The following DHRS12 variants were observed in gnomAD, a reference collection of about 807,000 sequenced individuals.
DHRS12 encodes dehydrogenase/reductase SDR family member 12.
A neutral mutation model predicts 32.1 loss-of-function variants in DHRS12; 29 were observed. The observed-to-expected ratio is 0.90, with a 90% CI of 0.67 to 1.23. DHRS12 has a LOEUF of 1.23. DHRS12 is among the 50% of genes most tolerant of loss of function. The pLI, the probability that DHRS12 is intolerant of heterozygous loss-of-function variation, is 0.00. For missense variants in DHRS12, 330 were observed against 337.2 expected (o/e 0.98, Z 0.17); for synonymous variants, 150 against 135.9 (o/e 1.10, Z -0.72).
intron 1 of DHRS12, among the ~76,000 whole-genome samples, chr13:51,800,479 A>C (rs1178471962): frequency 1.3e-5 from 2 of 152,266 alleles, no homozygotes; most frequent in African/African-American, 4.8e-5. Context: ...GTGGAGGCCC[A>C]GAGGGCAGAC....
the DHRS12 span, chr13:51,761,198 A>G: frequency 2.6e-5 from 4 of 152,292 alleles, no homozygotes; most frequent in South Asian, 2.1e-4. Flanking sequence ...AGTGCAGGCT[A>G]TGTTTCTGTG....
intron 4 of DHRS12, among the ~76,000 whole-genome samples, chr13:51,787,792 ATTAAT>A (rs1955033115): frequency 7.7e-5 from 1 of 12,922 alleles, no homozygotes; most frequent in Non-Finnish European, 1.8e-4. Context: ...TTTATAATAT[ATTAAT>A]ATATATTTAT....
chr13:51,770,930 G>C, intron 7 of DHRS12: 1 of 1,260,752 alleles, frequency 7.9e-7, no homozygotes, highest in African/African-American at 1.5e-5. Flanking sequence ...ACTGTGATAA[G>C]CAACCTTGTT....
At chr13:51,789,099 T>C (rs917625560) in intron 4 of DHRS12, among the ~76,000 whole-genome samples, 4 of 152,184 alleles carry the variant, frequency 2.6e-5, no homozygotes, top group African/African-American at 9.7e-5. Context: ...CCAACTGTTA[T>C]TCCATCGGCT....
rs763363530 is a variant in DHRS12, at chr13:51,804,029, CCCGCGCCCCG to C, written c.-9+15_-9+24del. On this transcript the variant is annotated intron_variant, in intron 1 of 8. Transcript: ENST00000444610. Reference sequence around the variant, plus strand: ...GGCGGGCCACGTGACAGCCCGGGGCCCCGCGCCCCGCCGCGCCGCCTTACTTGGTGTACTC... The same window carrying C: ...GGCGGGCCACGTGACAGCCCGGGGCCCCGCGCCGCCTTACTTGGTGTACTC... The C allele has an allele frequency of 2.0e-6, 3 of 1,464,824 alleles. No homozygotes were observed. The Admixed American group carries it at 7.4e-5, about 36-fold the overall frequency. 90.7% of individuals were successfully genotyped at this position (1,464,824 alleles called of 1,614,324 possible).
intron 6 of DHRS12, 34 bp from the exon 7 acceptor site, chr13:51,771,945 A>C (rs926581462): frequency 1.2e-6 from 2 of 1,607,868 alleles, no homozygotes; most frequent in Non-Finnish European, 1.7e-6. Flanking sequence ...TGAACAGGAG[A>C]GAGGAGGCGC....
In DHRS12 at chr13:51,782,949, A is replaced by G. The variant is rs960076342; in HGVS notation, c.302-5828T>C. On this transcript the variant is annotated intron_variant, in intron 4 of 8. Transcript: ENST00000444610. The surrounding 1 kb of genome is among the most constrained non-coding windows in gnomAD (Gnocchi z 4.2). Reference sequence around the variant, plus strand: ...TTTGGGGCCGGTGCTCCTAGGCCAGAAGACCTAGAAGGGCAGACACCACGG... The same window carrying G: ...TTTGGGGCCGGTGCTCCTAGGCCAGGAGACCTAGAAGGGCAGACACCACGG... 3.9e-5 allele frequency among the ~76,000 whole-genome samples: 6 copies of G among 152,184 alleles called. No individual in the cohort carries two copies. The highest frequency in any genetic ancestry group is 1.3e-4 in the Admixed American group (2 of 15,290).
At position 51,768,265 on chromosome 13, in the gene DHRS12, G is replaced by A. The variant is rs760335292; in HGVS notation, c.729C>T (p.Leu243=). 3.9e-6 allele frequency: 6 copies of A among 1,536,094 alleles called. No individual in the cohort carries two copies. The African/African-American group carries it at 4.1e-5, about 10-fold the overall frequency. The stretch of plus-strand genomic sequence containing the variant: ...CGGCCGGTGAGGAGGACGCTGTAGC[G>A]AGAGGCAAGTGTGTAGAAACTGGCT... The part of the protein sequence containing the change: ...DRKPVSTHLP[L]ATASSSPAEE... The change falls in exon 9 of 9, where the codon CTC becomes CTT. Residue 243 remains leucine (L), a synonymous_variant. Coordinates refer to ENST00000444610, the MANE Select transcript of DHRS12 (RefSeq NM_001377533.1).
intron 4 of DHRS12, 137 bp from the exon 5 acceptor site, chr13:51,777,258 T>G: frequency 1.2e-6 from 1 of 827,120 alleles, no homozygotes; most frequent in Middle Eastern, 3.4e-4. Flanking sequence ...GGGCAGTCCC[T>G]CCTTCCGAGG....
At chr13:51,803,008 G>A (rs1955829647) in intron 1 of DHRS12, among the ~76,000 whole-genome samples, 1 of 152,232 alleles carries the variant, frequency 6.6e-6, no homozygotes, top group African/African-American at 2.4e-5. Context: ...AATGGTCATT[G>A]CCAGAGGACA....
intron 4 of DHRS12, among the ~76,000 whole-genome samples, chr13:51,788,797 C>T (rs898672931): frequency 5.3e-5 from 8 of 151,936 alleles, no homozygotes; most frequent in African/African-American, 1.9e-4. Flanking sequence ...GAGTTTGAGG[C>T]TGCAGTGAGC....
intron 1 of DHRS12, chr13:51,803,836 A>T (rs1955868148): frequency 5.4e-6 from 2 of 368,032 alleles, no homozygotes; most frequent in Non-Finnish European, 9.3e-6. Flanking sequence ...CTCGGGCGCC[A>T]GTCTCGGTCG....
the DHRS12 span, chr13:51,758,287 A>C: frequency 1.3e-6 from 2 of 1,591,994 alleles, no homozygotes; most frequent in Non-Finnish European, 1.7e-6. Flanking sequence ...TCTGGAACTG[A>C]CAAGGTTATT....
intron 1 of DHRS12, among the ~76,000 whole-genome samples, chr13:51,802,985 A>T (rs2139485747): frequency 6.6e-6 from 1 of 152,364 alleles, no homozygotes; most frequent in South Asian, 2.1e-4. Flanking sequence ...TAATGTGGAA[A>T]GATCCAGCAA....
rs935138539 is a variant in DHRS12, at chr13:51,768,316, G to A, written c.698-20C>T. 1 of 1,535,304 alleles carries A rather than the reference G, an allele frequency of 6.5e-7. No individual in the cohort carries two copies. Among genetic ancestry groups the A allele is most frequent in the Non-Finnish European group, 8.7e-7 (1 of 1,146,860 alleles). On this transcript the variant is annotated intron_variant, in intron 8 of 8. Coordinates refer to ENST00000444610, the MANE Select transcript of DHRS12 (RefSeq NM_001377533.1). Reference sequence around the variant, plus strand: ...TCCGATCTAAAAGTGAGAGGGAACCGCAGAGAGGTGTGAGCTGCTGCAGCG... The same window carrying A: ...TCCGATCTAAAAGTGAGAGGGAACCACAGAGAGGTGTGAGCTGCTGCAGCG...
intron 4 of DHRS12, among the ~76,000 whole-genome samples, chr13:51,787,798 ATATATTT>A (rs1337037372): frequency 0.018 from 13 of 736 alleles, no homozygotes; most frequent in Admixed American, 0.075. Context: ...ATATATTAAT[ATATATTT>A]ATATATAATT....
chr13:51,768,268 A>G lies in DHRS12; in HGVS notation c.726T>C (p.Pro242=). The G allele has an allele frequency of 2.0e-6, 3 of 1,536,092 alleles. No homozygotes were observed. Among genetic ancestry groups the G allele is most frequent in the Non-Finnish European group, 2.6e-6 (3 of 1,146,918 alleles). The change falls in exon 9 of 9, where the codon CCT becomes CCC. Residue 242 remains proline (P), a synonymous_variant. Transcript: ENST00000444610. Reference sequence around the variant, plus strand: ...CCGGTGAGGAGGACGCTGTAGCGAGAGGCAAGTGTGTAGAAACTGGCTTCC... The same window carrying G: ...CCGGTGAGGAGGACGCTGTAGCGAGGGGCAAGTGTGTAGAAACTGGCTTCC... ...QDRKPVSTHL[P]LATASSSPAE... is the part of the protein sequence containing the mutation.
downstream of DHRS12, chr13:51,765,368 C>G (rs1305079314): frequency 6.6e-6 from 1 of 152,122 alleles, no homozygotes; most frequent in Non-Finnish European, 1.5e-5. Flanking sequence ...TTAGGTTTAA[C>G]ACATGAAAGC....
the DHRS12 span, chr13:51,761,438 C>A: frequency 6.6e-6 from 1 of 152,218 alleles, no homozygotes; most frequent in Non-Finnish European, 1.5e-5. Flanking sequence ...GCTCATTCAA[C>A]CTCACGTGTC....
Sources: allele counts gnomAD v4.1 joint callset (sites outside exome capture counted in the v4.1 genomes callset), GRCh38; gene constraint gnomAD v4.1.1; non-coding constraint Gnocchi (gnomAD v3.1); transcripts MANE v1.5; gene names NCBI Gene and HGNC (gene_info 2026-07-23, HGNC 2026-07-21).